BRSK2: variants seen among roughly 807,000 people sequenced by gnomAD.
The protein encoded by BRSK2 is serine/threonine-protein kinase BRSK2.
BRSK2 carries 19 observed loss-of-function variants against 83.3 expected under a neutral mutation model. The observed-to-expected ratio is 0.23, with a 90% confidence interval of 0.16 to 0.33. The LOEUF is 0.33. BRSK2 is among the 10% of genes least tolerant of loss of function. The probability of loss-of-function intolerance (pLI) is 1.00; values close to 1 mark genes in which losing one functional copy is unlikely to be tolerated. For missense variants in BRSK2, 798 were observed against 1,042.3 expected, an observed-to-expected ratio of 0.77 and a Z score of 3.23; for synonymous variants, 519 against 435.4, an observed-to-expected ratio of 1.19 and a Z score of -2.39.
intron 12 of BRSK2, chr11:1,447,994 C>G: frequency 1.1e-6 from 1 of 949,332 alleles, no homozygotes. Flanking sequence ...TGAAGCCAGC[C>G]AGCAAGCCAG....
chr11:1,423,427 G>T lies in BRSK2; in HGVS notation c.92-12613G>T, dbSNP rs1456003753. Reference sequence around the variant, plus strand: ...GTGTGGGGAGAAGTTCTGAGACTGTGGGAGGGGTAGGGGTGTGCTGTGGCC... The same window carrying T: ...GTGTGGGGAGAAGTTCTGAGACTGTTGGAGGGGTAGGGGTGTGCTGTGGCC... On this transcript the variant is annotated intron_variant, in intron 1 of 19. Coordinates refer to ENST00000528841, the MANE Select transcript of BRSK2 (RefSeq NM_001256627.2). The surrounding 1 kb of genome is among the most constrained non-coding windows in gnomAD (Gnocchi z 6.5). 6.6e-6 allele frequency among the ~76,000 whole-genome samples: 1 copy of T among 152,110 alleles called. No individual in the cohort carries two copies. The highest frequency in any genetic ancestry group is 2.4e-5 in the African/African-American group (1 of 41,410).
At position 1,457,070 on chromosome 11, in the gene BRSK2, T is replaced by G. The variant is rs1336928178; in HGVS notation, c.1939+383T>G. 1.9e-6 allele frequency: 3 copies of G among 1,549,530 alleles called. No homozygotes were observed. In the Admixed American group the frequency reaches 5.6e-5, roughly 29 times the overall value. The stretch of plus-strand genomic sequence containing the variant: ...GGCAGGTAAGGCGCCCGGCCTGTGC[T>G]GGGGCGGGGAGGGGCTGCGGGCAGG... On this transcript the variant is annotated intron_variant, in intron 18 of 19. Coordinates refer to ENST00000528841, the MANE Select transcript of BRSK2 (RefSeq NM_001256627.2).
chr11:1,438,263 C>A lies in BRSK2; in HGVS notation c.187-43C>A. 6.3e-7 allele frequency: 1 copy of A among 1,593,964 alleles called. No individual in the cohort carries two copies. Among genetic ancestry groups the A allele is most frequent in the Non-Finnish European group, 8.6e-7 (1 of 1,162,320 alleles). On this transcript the variant is annotated intron_variant, in intron 2 of 19. Transcript: ENST00000528841. This position sits in a 1 kb window ranked among gnomAD's most constrained non-coding sequence, Gnocchi z 6.4. ...AGTGTCTGTGGGGAGCGATGCGTGC[C>A]CCAGCCCTGTGAGCGTGATGTTCTC...
intron 1 of BRSK2, among the ~76,000 whole-genome samples, chr11:1,399,295 A>T (rs1325006906): frequency 6.7e-6 from 1 of 149,890 alleles, no homozygotes; most frequent in East Asian, 1.9e-4. Flanking sequence ...CTTGGATAGG[A>T]TGGTGGGGTG....
chr11:1,460,060 T>G (rs1847220505), intron 19 of BRSK2, among the ~76,000 whole-genome samples: 3 of 71,766 alleles, frequency 4.2e-5, no homozygotes, highest in African/African-American at 5.5e-5. Flanking sequence ...GGCGTTGGGG[T>G]GGGTCGGCCC....
rs1449262709 is a variant in BRSK2, at chr11:1,438,750, G to A, written c.272+359G>A. ...CGCTGAGCCTCCTGGCCTCTGCCCA[G>A]GACGTCCCCAGCCCTGGGCAGTGAG... On this transcript the variant is annotated intron_variant, in intron 3 of 19. Coordinates refer to ENST00000528841, the MANE Select transcript of BRSK2 (RefSeq NM_001256627.2). This position sits in a 1 kb window ranked among gnomAD's most constrained non-coding sequence, Gnocchi z 6.4. Among the ~76,000 whole-genome samples the A allele has an allele frequency of 6.6e-6, 1 of 152,160 alleles. No individual in the cohort carries two copies. The highest frequency in any genetic ancestry group is 1.5e-5 in the Non-Finnish European group (1 of 68,012).
chr11:1,458,688 C>G (rs1846980030), intron 18 of BRSK2, among the ~76,000 whole-genome samples: 1 of 152,186 alleles, frequency 6.6e-6, no homozygotes, highest in South Asian at 2.1e-4. Context: ...CTCCCAGGGC[C>G]TTGCTCCCAC....
chr11:1,410,820 AG>A lies in BRSK2; in HGVS notation c.91+20448del, dbSNP rs1847398457. On this transcript the variant is annotated intron_variant, in intron 1 of 19. Transcript: ENST00000528841. ...CCCCCCGCCACCCGGCAGGCACAGCAGGGCACCACCGAGACCACTGTGGCCT... is the reference window on the plus strand; with the variant it reads ...CCCCCCGCCACCCGGCAGGCACAGCAGGCACCACCGAGACCACTGTGGCCT... 7 of 952,660 alleles carry A rather than the reference AG, an allele frequency of 7.3e-6. No individual in the cohort carries two copies. In the South Asian group the frequency reaches 3.5e-4, roughly 47 times the overall value. The allele number at this position is 952,660 out of a possible 1,614,324, so 59.0% of individuals were successfully genotyped here.
Position 1,442,617 on chromosome 11 carries a change from C to T in BRSK2, c.530+11C>T. Reference sequence around the variant, plus strand: ...GGAGACCAGCTGTGGGTACGTGGCCCTCTGCCCTGGAGAGAGGCTGGGGGA... The same window carrying T: ...GGAGACCAGCTGTGGGTACGTGGCCTTCTGCCCTGGAGAGAGGCTGGGGGA... On this transcript the variant is annotated intron_variant, in intron 5 of 19. Transcript: ENST00000528841. The T allele has an allele frequency of 1.2e-6, 2 of 1,600,384 alleles. No individual in the cohort carries two copies. Among genetic ancestry groups the T allele is most frequent in the South Asian group, 2.2e-5 (2 of 90,826 alleles).
intron 1 of BRSK2, among the ~76,000 whole-genome samples, chr11:1,414,455 G>A (rs1847883794): frequency 1.3e-5 from 2 of 152,196 alleles, no homozygotes; most frequent in Admixed American, 6.5e-5. Flanking sequence ...TTCATTAGAA[G>A]CTAAGGAGCC....
In BRSK2 at chr11:1,454,395, T is replaced by G; in HGVS notation, c.1545-90T>G. 2 of 1,479,798 alleles carry G rather than the reference T, an allele frequency of 1.4e-6. No individual in the cohort carries two copies. The highest frequency in any genetic ancestry group is 1.4e-5 in the African/African-American group (1 of 72,258). 91.7% of individuals were successfully genotyped at this position (1,479,798 alleles called of 1,614,324 possible). A position where few individuals can be genotyped will look rare whatever the true frequency, so the allele number is the denominator to read the frequency against. On this transcript the variant is annotated intron_variant, in intron 15 of 19. Transcript: ENST00000528841. This position sits in a 1 kb window ranked among gnomAD's most constrained non-coding sequence, Gnocchi z 5.2. ...GTTTCTATCACGAAGCGATGGAAGA[T>G]TCCGCCGTTCCAACCCCAGATTCGA...
At chr11:1,406,281 G>C (rs1206785351) in intron 1 of BRSK2, among the ~76,000 whole-genome samples, 1 of 152,194 alleles carries the variant, frequency 6.6e-6, no homozygotes, top group African/African-American at 2.4e-5. Flanking sequence ...GGCTAACACG[G>C]TGAAACCCCA....
chr11:1,402,249 G>A (rs935280484), intron 1 of BRSK2, among the ~76,000 whole-genome samples: 4 of 152,234 alleles, frequency 2.6e-5, no homozygotes, highest in Admixed American at 1.3e-4. Context: ...GCAGGCTGTG[G>A]TGGGGTCTGA....
At chr11:1,403,729 C>T (rs1846645325) in intron 1 of BRSK2, among the ~76,000 whole-genome samples, 1 of 152,180 alleles carries the variant, frequency 6.6e-6, no homozygotes, top group African/African-American at 2.4e-5. Context: ...CTGTGGACCC[C>T]CATGCTGGTG....
chr11:1,393,492 C>T (rs1336832265), intron 1 of BRSK2, among the ~76,000 whole-genome samples: 5 of 152,212 alleles, frequency 3.3e-5, no homozygotes, highest in African/African-American at 7.2e-5. Context: ...GGGCTCCCTG[C>T]GAGGGAACGA....
At chr11:1,457,162 A>C in intron 18 of BRSK2, 1 of 1,010,144 alleles carries the variant, frequency 9.9e-7, no homozygotes, top group Admixed American at 2.8e-5. Flanking sequence ...TCGGCCCTGG[A>C]CAGGCCAAGC....
chr11:1,436,751 G>C (rs1235666320), intron 2 of BRSK2, among the ~76,000 whole-genome samples: 1 of 152,058 alleles, frequency 6.6e-6, no homozygotes, highest in Non-Finnish European at 1.5e-5. Flanking sequence ...GGCTGGCAGC[G>C]TGCGACCCTC....
At chr11:1,422,329 C>T (rs1339412595) in intron 1 of BRSK2, among the ~76,000 whole-genome samples, 2 of 152,154 alleles carry the variant, frequency 1.3e-5, no homozygotes, top group Non-Finnish European at 2.9e-5. Flanking sequence ...AGCCGCTCCT[C>T]CACCCTGTCT....
chr11:1,401,470 C>T (rs959665153), intron 1 of BRSK2, among the ~76,000 whole-genome samples: 1 of 152,174 alleles, frequency 6.6e-6, no homozygotes, highest in Admixed American at 6.5e-5. Flanking sequence ...CGCTCAGGAG[C>T]CCCTGGGACC....
Sources: gnomAD v4.1 joint callset for allele counts (sites outside exome capture counted in the v4.1 genomes callset) on GRCh38, gnomAD v4.1.1 for gene constraint, Gnocchi (gnomAD v3.1) non-coding constraint, MANE v1.5 for transcripts, NCBI Gene and HGNC (gene_info 2026-07-23, HGNC 2026-07-21) for gene names.